KDM1B: variants seen among roughly 807,000 people sequenced by gnomAD.
The protein encoded by KDM1B is lysine demethylase 1B.
A neutral mutation model predicts 107.4 loss-of-function variants in KDM1B; 63 were observed. That is an observed-to-expected ratio of 0.59 (90% CI 0.48 to 0.72). The LOEUF is 0.72. Among genes scored for constraint, KDM1B ranks in the 30% least tolerant of loss-of-function variants. The pLI is 0.00. For synonymous variants in KDM1B, 363 were observed against 363.9 expected (o/e 1.00, Z 0.03); for missense variants, 749 against 1,020.8 (o/e 0.73, Z 3.63).
rs16880324 is a variant in KDM1B, at chr6:18,172,039, A to C, written c.534+560A>C. On this transcript the variant is annotated intron_variant, in intron 7 of 21. Coordinates refer to ENST00000650836, the MANE Select transcript of KDM1B (RefSeq NM_001364614.2). This position sits in a 1 kb window ranked among gnomAD's most constrained non-coding sequence, Gnocchi z 5.2. ...TTTATATAATGATGTTGACACCATA[A>C]ATGCAGCTTCCCTAACTATAGTGAG... is the stretch of plus-strand genomic sequence containing the variant. Among the ~76,000 whole-genome samples, 5,935 of 152,266 alleles carry C rather than the reference A, an allele frequency of 0.039. 225 individuals are homozygous for C. Among genetic ancestry groups the C allele is most frequent in the East Asian group, 0.17 (888 of 5,176 alleles).
chr6:18,215,884 G>A (rs1789188270), intron 20 of KDM1B, among the ~76,000 whole-genome samples: 1 of 151,930 alleles, frequency 6.6e-6, no homozygotes, highest in Non-Finnish European at 1.5e-5. Context: ...CACACATGCA[G>A]ATAGTCTCTT....
intron 17 of KDM1B, 76 bp downstream of exon 17, chr6:18,208,282 T>G (rs559405848): frequency 9.1e-7 from 1 of 1,093,096 alleles, no homozygotes; most frequent in Non-Finnish European, 1.4e-6. Flanking sequence ...AAATCTTTCC[T>G]ATCAAGGAGT....
rs1787759145 is a variant in KDM1B at position 18,197,953 on chromosome 6, T to G, written c.1221+292T>G. Among the ~76,000 whole-genome samples the G allele has an allele frequency of 7.0e-6, 1 of 142,092 alleles. No homozygotes were observed. Among genetic ancestry groups the G allele is most frequent in the Non-Finnish European group, 1.5e-5 (1 of 66,650 alleles). The allele number at this position is 142,092 out of a possible 152,430, so 93.2% of individuals were successfully genotyped here. ...TTTTTTTTTTTTTTTTGAGACAGAG[T>G]CTTGCTCTGTCGCCCAGGCTGGAGT... On this transcript the variant is annotated intron_variant, in intron 12 of 21. Coordinates refer to ENST00000650836, the MANE Select transcript of KDM1B (RefSeq NM_001364614.2). This position sits in a 1 kb window ranked among gnomAD's most constrained non-coding sequence, Gnocchi z 4.5.
At chr6:18,210,067 G>A (rs571081149) in intron 17 of KDM1B, among the ~76,000 whole-genome samples, 1 of 152,252 alleles carries the variant, frequency 6.6e-6, no homozygotes, top group African/African-American at 2.4e-5. Flanking sequence ...GCCTTCTGGA[G>A]AAATTAGGGC....
At position 18,204,139 on chromosome 6, in the gene KDM1B, A is replaced by T. The variant is rs1159685280; in HGVS notation, c.1532-1398A>T. On this transcript the variant is annotated intron_variant, in intron 14 of 21. Transcript: ENST00000650836. The surrounding 1 kb of genome is among the most constrained non-coding windows in gnomAD (Gnocchi z 4.9). ...TTGATGAAAGCCTTGAGCTGTTCTA[A>T]AAAAAAAAATATTTGAAGTAACTGA... 2.7e-5 allele frequency among the ~76,000 whole-genome samples: 4 copies of T among 149,292 alleles called. No individual in the cohort carries two copies. The East Asian group carries it at 7.8e-4, about 29-fold the overall frequency.
In KDM1B at chr6:18,197,520, G is replaced by A. The variant is rs1370135387; in HGVS notation, c.1147-67G>A. 9.4e-6 allele frequency: 12 copies of A among 1,270,126 alleles called. No individual in the cohort carries two copies. Among genetic ancestry groups the A allele is most frequent in the African/African-American group, 2.9e-5 (2 of 68,170 alleles). 78.7% of individuals were successfully genotyped at this position (1,270,126 alleles called of 1,614,324 possible). On this transcript the variant is annotated intron_variant, in intron 11 of 21. Coordinates refer to ENST00000650836, the MANE Select transcript of KDM1B (RefSeq NM_001364614.2). The surrounding 1 kb of genome is among the most constrained non-coding windows in gnomAD (Gnocchi z 4.5). ...ATGAACGAATTTGCTCTGCAGTTCC[G>A]GAACAACTAAAACAGGACGTTGTTA...
Position 18,215,260 on chromosome 6 carries a change from A to G in KDM1B, c.2232+131A>G, listed in dbSNP as rs190376434. 7 of 1,043,708 alleles carry G rather than the reference A, an allele frequency of 6.7e-6. No individual in the cohort carries two copies. The Admixed American group carries it at 1.1e-4, about 17-fold the overall frequency. 64.7% of individuals were successfully genotyped at this position (1,043,708 alleles called of 1,614,324 possible). On this transcript the variant is annotated intron_variant, in intron 20 of 21. Transcript: ENST00000650836. Reference sequence around the variant, plus strand: ...CAGAGGCCACAGTCTTCTTTCTTTCAGAGTCCCACTGCCCACCTCAGCACT... The same window carrying G: ...CAGAGGCCACAGTCTTCTTTCTTTCGGAGTCCCACTGCCCACCTCAGCACT...
Position 18,191,307 on chromosome 6 carries a change from G to C in KDM1B, c.895G>C (p.Glu299Gln). ...MELDELYEFP[E>Q]YSRDPTMYLA... ...ACTGGATGAGCTCTATGAGTTTCCA[G>C]AGTATTCCCGAGACCCCACCATGTA... is the stretch of plus-strand genomic sequence containing the variant. The change falls in exon 10 of 22, where the codon GAG (glutamate) becomes CAG (glutamine). Residue 299 changes from glutamate (E) to glutamine (Q), a missense_variant. Glu to Gln is a conservative substitution (Grantham distance 29). Transcript: ENST00000650836. The surrounding 1 kb of genome is among the most constrained non-coding windows in gnomAD (Gnocchi z 5.1). 6.4e-7 allele frequency: 1 copy of C among 1,550,996 alleles called. No homozygotes were observed. Among genetic ancestry groups the C allele is most frequent in the Non-Finnish European group, 8.7e-7 (1 of 1,147,094 alleles).
chr6:18,215,645 T>A (rs955609458), intron 20 of KDM1B, among the ~76,000 whole-genome samples: 1 of 152,162 alleles, frequency 6.6e-6, no homozygotes, highest in African/African-American at 2.4e-5. Flanking sequence ...CATGGGAATT[T>A]GAGGGAGACA....
At chr6:18,219,979 G>C (rs893032020) in intron 21 of KDM1B, among the ~76,000 whole-genome samples, 3 of 152,214 alleles carry the variant, frequency 2.0e-5, no homozygotes, top group African/African-American at 7.2e-5. Flanking sequence ...AATGTGGTGA[G>C]GGATGTATTA....
At position 18,211,502 on chromosome 6, in the gene KDM1B, GT is replaced by G. The variant is rs932160538; in HGVS notation, c.1867-985del. 5 of 152,282 alleles carry G rather than the reference GT, an allele frequency of 3.3e-5. No individual in the cohort carries two copies. The highest frequency in any genetic ancestry group is 1.2e-4 in the African/African-American group (5 of 41,454). The allele number at this position is 152,282 out of a possible 1,614,324, so 9.4% of individuals were successfully genotyped here. Reference sequence around the variant, plus strand: ...CTGTTGAGAGCACACAATGCTGGAGGTGTTTGGTTCTTCTGCAGCAGGGTTC... The same window carrying G: ...CTGTTGAGAGCACACAATGCTGGAGGGTTTGGTTCTTCTGCAGCAGGGTTC... On this transcript the variant is annotated intron_variant, in intron 17 of 21. Coordinates refer to ENST00000650836, the MANE Select transcript of KDM1B (RefSeq NM_001364614.2). This position sits in a 1 kb window ranked among gnomAD's most constrained non-coding sequence, Gnocchi z 5.2.
At chr6:18,195,988 A>G (rs1787622994) in intron 10 of KDM1B, among the ~76,000 whole-genome samples, 1 of 151,872 alleles carries the variant, frequency 6.6e-6, no homozygotes, top group African/African-American at 2.4e-5. Flanking sequence ...TCTCCCCGCT[A>G]TTCCCCCTCC....
In KDM1B at chr6:18,201,379, T is replaced by C; in HGVS notation, c.1360-107T>C. 6 of 772,156 alleles carry C rather than the reference T, an allele frequency of 7.8e-6. No individual in the cohort carries two copies. The highest frequency in any genetic ancestry group is 1.2e-5 in the Non-Finnish European group (6 of 485,260). 47.8% of individuals were successfully genotyped at this position (772,156 alleles called of 1,614,324 possible). The stretch of plus-strand genomic sequence containing the variant: ...CATATTTAGCTTTATTTTTGAGAGA[T>C]ATGAGACCATTTTCTCCATGAGAGC... On this transcript the variant is annotated intron_variant, in intron 13 of 21. Transcript: ENST00000650836. The surrounding 1 kb of genome is among the most constrained non-coding windows in gnomAD (Gnocchi z 4.3).
intron 17 of KDM1B, among the ~76,000 whole-genome samples, chr6:18,210,321 T>C (rs962315762): frequency 7.3e-6 from 1 of 136,512 alleles, no homozygotes; most frequent in Non-Finnish European, 1.7e-5. Flanking sequence ...GGCTTTTCTT[T>C]CTTTTTTTTC....
At chr6:18,181,272 T>C (rs1362654600) in intron 7 of KDM1B, among the ~76,000 whole-genome samples, 3 of 152,196 alleles carry the variant, frequency 2.0e-5, no homozygotes, top group African/African-American at 7.2e-5. Context: ...GAAGGCCTGA[T>C]TGACAGATAG....
At chr6:18,198,903 C>CA (rs751597356) in intron 12 of KDM1B, among the ~76,000 whole-genome samples, 8 of 145,778 alleles carry the variant, frequency 5.5e-5, no homozygotes, top group Non-Finnish European at 1.2e-4. Context: ...CACAGTGGCT[C>CA]AGTGCCTGTA....
chr6:18,168,112 A>T (rs1195082264), intron 6 of KDM1B, among the ~76,000 whole-genome samples: 1 of 151,904 alleles, frequency 6.6e-6, no homozygotes, highest in African/African-American at 2.4e-5. Flanking sequence ...GTGCACGCTT[A>T]AAGATTTTTT....
At chr6:18,219,166 T>C (rs1185962025) in intron 21 of KDM1B, among the ~76,000 whole-genome samples, 1 of 152,214 alleles carries the variant, frequency 6.6e-6, no homozygotes, top group African/African-American at 2.4e-5. Context: ...CCTCCCAAAG[T>C]GCTGGGATTA....
Position 18,222,330 on chromosome 6 carries a change from G to T in KDM1B, c.*338G>T. The T allele has an allele frequency of 2.7e-6, 1 of 368,160 alleles. No homozygotes were observed. The highest frequency in any genetic ancestry group is 5.2e-6 in the Non-Finnish European group (1 of 191,200). The allele number at this position is 368,160 out of a possible 1,614,324, so 22.8% of individuals were successfully genotyped here. Reference sequence around the variant, plus strand: ...TTTAGATTTCACATTTTATATGGCTGATCAATTTTCATACATTGAGAAACC... The same window carrying T: ...TTTAGATTTCACATTTTATATGGCTTATCAATTTTCATACATTGAGAAACC... On this transcript the variant is annotated 3_prime_UTR_variant, in exon 22 of 22. Transcript: ENST00000650836.
Sources: allele counts gnomAD v4.1 joint callset (sites outside exome capture counted in the v4.1 genomes callset), GRCh38; gene constraint gnomAD v4.1.1; non-coding constraint Gnocchi (gnomAD v3.1); transcripts MANE v1.5; gene names NCBI Gene and HGNC (gene_info 2026-07-23, HGNC 2026-07-21).